The following MYLK4 variants were observed in gnomAD, a reference collection of about 807,000 sequenced individuals.
MYLK4 encodes myosin light chain kinase family member 4, also known as caMLCK like.
In MYLK4, 46 loss-of-function variants were observed where a neutral mutation model predicts 48.1. The ratio of observed to expected loss-of-function variants is 0.96; its 90% CI spans 0.75 to 1.22. The LOEUF is 1.22. Among genes scored for constraint, MYLK4 ranks in the 50% most tolerant of loss-of-function variants. The pLI is 0.00. For synonymous variants in MYLK4, 170 were observed against 180.8 expected (o/e 0.94, Z 0.48); for missense variants, 451 against 486.1 (o/e 0.93, Z 0.68).
intron 2 of MYLK4, among the ~76,000 whole-genome samples, chr6:2,698,045 G>A (rs918354188): frequency 1.3e-5 from 2 of 152,220 alleles, no homozygotes; most frequent in Non-Finnish European, 2.9e-5. Context: ...TTACATAGCC[G>A]ATGGCCAGCA....
chr6:2,711,592 T>G (rs928361583), intron 2 of MYLK4, among the ~76,000 whole-genome samples: 6 of 152,232 alleles, frequency 3.9e-5, no homozygotes, highest in African/African-American at 1.4e-4. Context: ...AATTTTCTGT[T>G]TATCCTGCAT....
chr6:2,707,250 A>G (rs1037106992), intron 2 of MYLK4, among the ~76,000 whole-genome samples: 1 of 152,222 alleles, frequency 6.6e-6, no homozygotes, highest in Admixed American at 6.5e-5. Flanking sequence ...TATTATGGCC[A>G]TATCTCATTA....
Position 2,667,584 on chromosome 6 carries a change from T to C in MYLK4, c.*341A>G, listed in dbSNP as rs1387001169. On this transcript the variant is annotated 3_prime_UTR_variant, in exon 13 of 13. Transcript: ENST00000274643. The stretch of plus-strand genomic sequence containing the variant: ...GTCACAGCTGTAGTCATTTGAGAAA[T>C]GGCAGACATAATGCACCCCCTGCCC... The C allele has an allele frequency of 2.0e-5, 3 of 152,578 alleles. No individual in the cohort carries two copies. The highest frequency in any genetic ancestry group is 6.5e-5 in the Admixed American group (1 of 15,282). The allele number at this position is 152,578 out of a possible 1,614,324, so 9.5% of individuals were successfully genotyped here. A position where few individuals can be genotyped will look rare whatever the true frequency, so the allele number is the denominator to read the frequency against.
chr6:2,750,454 C>T (rs1302845242), intron 1 of MYLK4, among the ~76,000 whole-genome samples: 1 of 151,968 alleles, frequency 6.6e-6, no homozygotes. Context: ...TTCAAATTGC[C>T]CTGAAAAAAT....
At chr6:2,734,437 C>T (rs1056748183) in intron 2 of MYLK4, among the ~76,000 whole-genome samples, 5 of 152,142 alleles carry the variant, frequency 3.3e-5, no homozygotes, top group African/African-American at 9.6e-5. Context: ...TCCTCTCACC[C>T]GGGCTTATCT....
chr6:2,731,958 C>T (rs1163667799), intron 2 of MYLK4, among the ~76,000 whole-genome samples: 4 of 152,168 alleles, frequency 2.6e-5, no homozygotes, highest in African/African-American at 7.2e-5. Context: ...TCAGTCTGAC[C>T]ATCTCCAGGG....
At chr6:2,710,397 T>C (rs1390365806) in intron 2 of MYLK4, among the ~76,000 whole-genome samples, 2 of 152,214 alleles carry the variant, frequency 1.3e-5, no homozygotes, top group African/African-American at 4.8e-5. Context: ...ACATTTTTCT[T>C]CTCTGAGTTC....
chr6:2,746,515 T>A (rs544465923), intron 2 of MYLK4, among the ~76,000 whole-genome samples: 9 of 152,330 alleles, frequency 5.9e-5, no homozygotes, highest in African/African-American at 1.7e-4. Context: ...AGTTGTTAAA[T>A]CTATATAAAA....
chr6:2,707,251 T>C (rs1762525912), intron 2 of MYLK4, among the ~76,000 whole-genome samples: 1 of 152,216 alleles, frequency 6.6e-6, no homozygotes, highest in Admixed American at 6.5e-5. Flanking sequence ...ATTATGGCCA[T>C]ATCTCATTAT....
chr6:2,735,756 T>A (rs943844604), intron 2 of MYLK4, among the ~76,000 whole-genome samples: 6 of 152,100 alleles, frequency 3.9e-5, no homozygotes, highest in Non-Finnish European at 8.8e-5. Flanking sequence ...GAATCAACTG[T>A]GGTGGGATTT....
the MYLK4 span, among the ~76,000 whole-genome samples, chr6:2,757,805 T>G: frequency 6.6e-6 from 1 of 152,194 alleles, no homozygotes; most frequent in African/African-American, 2.4e-5. Context: ...GGTTTGTGCT[T>G]TCCTGGAGTT....
At chr6:2,677,803 G>C (rs1012257426) in intron 10 of MYLK4, among the ~76,000 whole-genome samples, 9 of 152,292 alleles carry the variant, frequency 5.9e-5, no homozygotes, top group Non-Finnish European at 8.8e-5. Flanking sequence ...AGTTAAAAGA[G>C]ATAATGTCTA....
At chr6:2,677,122 T>A (rs1761111520) in intron 10 of MYLK4, among the ~76,000 whole-genome samples, 1 of 152,216 alleles carries the variant, frequency 6.6e-6, no homozygotes, top group Non-Finnish European at 1.5e-5. Flanking sequence ...CTTCATCCTC[T>A]AAGGATGGCC....
chr6:2,691,198 T>A (rs933990914), intron 3 of MYLK4, among the ~76,000 whole-genome samples: 1 of 152,196 alleles, frequency 6.6e-6, no homozygotes, highest in African/African-American at 2.4e-5. Flanking sequence ...TAATTTCCAT[T>A]TCTCAGCAGC....
chr6:2,686,935 A>G, intron 4 of MYLK4, among the ~76,000 whole-genome samples: 1 of 152,138 alleles, frequency 6.6e-6, no homozygotes, highest in Admixed American at 6.5e-5. Context: ...GGTGCCCATC[A>G]CTGTCTGACT....
chr6:2,749,124 G>T lies in MYLK4; in HGVS notation c.159+12C>A. On this transcript the variant is annotated intron_variant, in intron 2 of 12. Coordinates refer to ENST00000274643, the MANE Select transcript of MYLK4 (RefSeq NM_001012418.5). ...GAATACTTTTTAGGAGACTAAATTA[G>T]AACATGATTACCTCATTATGTCCAG... The T allele has an allele frequency of 6.2e-7, 1 of 1,610,126 alleles. No homozygotes were observed. Among genetic ancestry groups the T allele is most frequent in the South Asian group, 1.1e-5 (1 of 90,824 alleles).
chr6:2,688,529 G>T (rs549327850), intron 4 of MYLK4, among the ~76,000 whole-genome samples: 1 of 152,148 alleles, frequency 6.6e-6, no homozygotes, highest in Admixed American at 6.5e-5. Context: ...AAAACTACAC[G>T]CTGTTGACTC....
intron 2 of MYLK4, among the ~76,000 whole-genome samples, chr6:2,709,413 G>A (rs1422712935): frequency 6.6e-6 from 1 of 152,204 alleles, no homozygotes; most frequent in East Asian, 1.9e-4. Flanking sequence ...GAGGCATGGT[G>A]TCCCACTCAA....
rs545155994 is a variant in MYLK4 at position 2,739,813 on chromosome 6, A to G, written c.159+9323T>C. ...GAAATGTACTGATAGCAGTACTAAC[A>G]TACAGCATTTTACATTTTACAAAGA... On this transcript the variant is annotated intron_variant, in intron 2 of 12. Transcript: ENST00000274643. Among the ~76,000 whole-genome samples the G allele has an allele frequency of 2.7e-4, 41 of 152,374 alleles. No individual in the cohort carries two copies. In the South Asian group the frequency reaches 7.5e-3, roughly 28 times the overall value.
Sources: allele counts gnomAD v4.1 joint callset (sites outside exome capture counted in the v4.1 genomes callset), GRCh38; gene constraint gnomAD v4.1.1; transcripts MANE v1.5; gene names NCBI Gene and HGNC (gene_info 2026-07-23, HGNC 2026-07-21).